The following HIF1A variants were observed in gnomAD, a reference collection of about 807,000 sequenced individuals.
HIF1A encodes hypoxia inducible factor 1 subunit alpha.
A neutral mutation model predicts 92.7 loss-of-function variants in HIF1A; 24 were observed. That is an observed-to-expected ratio of 0.26 (90% CI 0.19 to 0.36). The LOEUF is 0.36. Among genes scored for constraint, HIF1A ranks in the 10% least tolerant of loss-of-function variants. The pLI is 1.00. For synonymous variants in HIF1A, 319 were observed against 338.7 expected (o/e 0.94, Z 0.64); for missense variants, 799 against 998.5 (o/e 0.80, Z 2.69).
intron 6 of HIF1A, among the ~76,000 whole-genome samples, chr14:61,730,799 G>C (rs2044567495): frequency 6.6e-6 from 1 of 152,142 alleles, no homozygotes; most frequent in Non-Finnish European, 1.5e-5. Flanking sequence ...GCACACATAG[G>C]CATATTAAGA....
chr14:61,717,682 C>T (rs758622818), intron 1 of HIF1A, among the ~76,000 whole-genome samples: 3 of 152,152 alleles, frequency 2.0e-5, no homozygotes, highest in Non-Finnish European at 4.4e-5. Flanking sequence ...CTGGACGATA[C>T]GTGTATTACA....
intron 6 of HIF1A, among the ~76,000 whole-genome samples, chr14:61,728,044 A>G (rs949926597): frequency 9.2e-5 from 14 of 151,934 alleles, no homozygotes; most frequent in East Asian, 1.9e-4. Flanking sequence ...AAATTACTCA[A>G]TGTTAAACTA....
At chr14:61,741,279 C>T in intron 12 of HIF1A, 91 bp downstream of exon 12, 1 of 908,682 alleles carries the variant, frequency 1.1e-6, no homozygotes, top group Non-Finnish European at 1.7e-6. Context: ...TTATAGCAAA[C>T]TTTCTGATAT....
intron 1 of HIF1A, among the ~76,000 whole-genome samples, chr14:61,708,184 T>G (rs550469368): frequency 6.6e-6 from 1 of 152,220 alleles, no homozygotes; most frequent in African/African-American, 2.4e-5. Context: ...TTTGAGTTCA[T>G]TGTAGATTCT....
rs751560090 is a variant in HIF1A at position 61,721,528 on chromosome 14, T to C, written c.246T>C (p.Asp82=). ...TTTTAGGTGATTTGGATATTGAAGA[T>C]GACATGAAAGCACAGATGAATTGCT... ...LLDAGDLDIE[D]DMKAQMNCFY... Residue 82 remains aspartate (D), a synonymous_variant, in exon 3 of 15, where the codon GAT becomes GAC. Coordinates refer to ENST00000337138, the MANE Select transcript of HIF1A (RefSeq NM_001530.4). 2.8e-5 allele frequency: 45 copies of C among 1,613,126 alleles called. No individual in the cohort carries two copies. In the South Asian group the frequency reaches 3.8e-4, roughly 14 times the overall value.
chr14:61,707,484 G>A (rs1338370541), intron 1 of HIF1A, among the ~76,000 whole-genome samples: 11 of 151,608 alleles, frequency 7.3e-5, no homozygotes, highest in South Asian at 2.1e-4. Context: ...AGGCCCCGGC[G>A]TGTGATGTTC....
intron 1 of HIF1A, among the ~76,000 whole-genome samples, chr14:61,701,332 GT>G (rs569496903): frequency 5.3e-5 from 8 of 152,126 alleles, no homozygotes; most frequent in Non-Finnish European, 1.0e-4. Context: ...ATGGAACATA[GT>G]TTACTGTATG....
At chr14:61,719,799 G>A (rs2044404887) in intron 1 of HIF1A, among the ~76,000 whole-genome samples, 2 of 152,188 alleles carry the variant, frequency 1.3e-5, no homozygotes, top group South Asian at 4.1e-4. Context: ...GCTAAGGGAG[G>A]AGGCAACCTG....
rs771469186 is a variant in HIF1A, at chr14:61,736,951, T to C, written c.1091T>C (p.Val364Ala). The change falls in exon 9 of 15, where the codon GTT (valine) becomes GCT (alanine). Residue 364 changes from valine (V) to alanine (A), a missense_variant. Val to Ala is a moderately conservative substitution (Grantham distance 64, BLOSUM62 0). Transcript: ENST00000337138. ...CAAACAGAATGTGTCCTTAAACCGG[T>C]TGAATCTTCAGATATGAAAATGACT... ...LQQTECVLKP[V>A]ESSDMKMTQL... The C allele has an allele frequency of 1.2e-5, 19 of 1,614,002 alleles. No individual in the cohort carries two copies. The highest frequency in any genetic ancestry group is 5.0e-5 in the Admixed American group (3 of 60,002).
intron 1 of HIF1A, among the ~76,000 whole-genome samples, chr14:61,696,720 GA>G (rs1261059035): frequency 6.6e-6 from 1 of 152,102 alleles, no homozygotes; most frequent in East Asian, 1.9e-4. Flanking sequence ...TAATGATACT[GA>G]AAAAAGTATA....
chr14:61,706,830 TTTTA>T (rs2044244083), intron 1 of HIF1A, among the ~76,000 whole-genome samples: 2 of 152,222 alleles, frequency 1.3e-5, no homozygotes, highest in Non-Finnish European at 2.9e-5. Context: ...TGATATTATT[TTTTA>T]AACAGATGTG....
At position 61,741,101 on chromosome 14, in the gene HIF1A, C is replaced by T. The variant is rs2044705336; in HGVS notation, c.2006C>T (p.Pro669Leu). 1.2e-6 allele frequency: 2 copies of T among 1,613,810 alleles called. No individual in the cohort carries two copies. Among genetic ancestry groups the T allele is most frequent in the Non-Finnish European group, 8.5e-7 (1 of 1,179,820 alleles). The part of the protein sequence containing the change: ...YRDTQSRTAS[P>L]NRAGKGVIEQ... ...GATACTCAAAGTCGGACAGCCTCAC[C>T]AAACAGAGCAGGAAAAGGAGTCATA... is the stretch of plus-strand genomic sequence containing the variant. The change falls in exon 12 of 15, where the codon CCA (proline) becomes CTA (leucine). Residue 669 changes from proline (P) to leucine (L), a missense_variant. Physicochemically the swap from Pro to Leu is moderately conservative, Grantham distance 98. Transcript: ENST00000337138.
intron 4 of HIF1A, among the ~76,000 whole-genome samples, chr14:61,724,382 C>CTCCCT (rs1209295569): frequency 3.3e-5 from 1 of 30,148 alleles, no homozygotes; most frequent in African/African-American, 5.5e-5. Context: ...TCTCTCTCTC[C>CTCCCT]CCCTCCCTCC....
chr14:61,708,619 A>T (rs1335781448), intron 1 of HIF1A, among the ~76,000 whole-genome samples: 6 of 151,534 alleles, frequency 4.0e-5, no homozygotes, highest in African/African-American at 1.2e-4. Flanking sequence ...GTTGTAGATA[A>T]GCGGCATTAT....
At chr14:61,722,335 A>T (rs2044442803) in intron 4 of HIF1A, among the ~76,000 whole-genome samples, 1 of 152,002 alleles carries the variant, frequency 6.6e-6, no homozygotes, top group Non-Finnish European at 1.5e-5. Flanking sequence ...CCATCCTCTC[A>T]CCTCGGCCTC....
chr14:61,729,924 A>G lies in HIF1A; in HGVS notation c.773+2269A>G, dbSNP rs542929876. Among the ~76,000 whole-genome samples, 57 of 152,300 alleles carry G rather than the reference A, an allele frequency of 3.7e-4. No individual in the cohort carries two copies. In the South Asian group the frequency reaches 8.5e-3, roughly 23 times the overall value. On this transcript the variant is annotated intron_variant, in intron 6 of 14. Transcript: ENST00000337138. The stretch of plus-strand genomic sequence containing the variant: ...CTCTTTCCAGGAACTTCTTGCATCT[A>G]TAACCCCTGAGAACCAAGCTATGGA...
chr14:61,717,326 T>C (rs1304871470), intron 1 of HIF1A, among the ~76,000 whole-genome samples: 1 of 152,222 alleles, frequency 6.6e-6, no homozygotes, highest in Non-Finnish European at 1.5e-5. Flanking sequence ...AGCTTTAAGC[T>C]TACTTAGAAA....
In HIF1A at chr14:61,714,362, T is replaced by C. The variant is rs924196404; in HGVS notation, c.36-6020T>C. Among the ~76,000 whole-genome samples, 3 of 152,348 alleles carry C rather than the reference T, an allele frequency of 2.0e-5. No homozygotes were observed. The South Asian group carries it at 6.2e-4, about 32-fold the overall frequency. On this transcript the variant is annotated intron_variant, in intron 1 of 14. Coordinates refer to ENST00000337138, the MANE Select transcript of HIF1A (RefSeq NM_001530.4). Reference sequence around the variant, plus strand: ...AGTAAGTACTGATGGTGTTATACTTTTTGTTTATTCGTTTGCTGGTATTTC... The same window carrying C: ...AGTAAGTACTGATGGTGTTATACTTCTTGTTTATTCGTTTGCTGGTATTTC...
rs2044817651 is a variant in HIF1A, at chr14:61,748,171, AT to A, written c.*1091del. On this transcript the variant is annotated 3_prime_UTR_variant, in exon 15 of 15. Transcript: ENST00000337138. ...TGTTTTTTCTATGTACATTGTACAA[AT>A]TTTTCATTCCTTTTGCTCTTTGTGG... is the stretch of plus-strand genomic sequence containing the variant. 1 of 152,510 alleles carries A rather than the reference AT, an allele frequency of 6.6e-6. No homozygotes were observed. Among genetic ancestry groups the A allele is most frequent in the African/African-American group, 2.4e-5 (1 of 41,430 alleles). The allele number at this position is 152,510 out of a possible 1,614,324, so 9.4% of individuals were successfully genotyped here. A position where few individuals can be genotyped will look rare whatever the true frequency, so the allele number is the denominator to read the frequency against.
Sources: gnomAD v4.1 joint callset for allele counts (sites outside exome capture counted in the v4.1 genomes callset) on GRCh38, gnomAD v4.1.1 for gene constraint, MANE v1.5 for transcripts, NCBI Gene and HGNC (gene_info 2026-07-23, HGNC 2026-07-21) for gene names.